Variants in PTPN5 observed in about 807,000 individuals in gnomAD.
The protein encoded by PTPN5 is tyrosine-protein phosphatase non-receptor type 5.
In PTPN5, 29 loss-of-function variants were observed where a neutral mutation model predicts 73.9. The observed-to-expected ratio is 0.39, with a 90% CI of 0.29 to 0.54. The LOEUF (loss-of-function observed/expected upper bound fraction) is 0.54, where lower values mean the gene tolerates loss of function less well. Ranked by LOEUF, PTPN5 falls within the 20% of genes least tolerant of loss-of-function variation. The pLI is 0.65. For synonymous variants in PTPN5, 267 were observed against 304.7 expected, an observed-to-expected ratio of 0.88 and a Z score of 1.29; for missense variants, 652 against 751.4, an observed-to-expected ratio of 0.87 and a Z score of 1.55.
chr11:18,736,407 G>A (rs1431538343), intron 9 of PTPN5, among the ~76,000 whole-genome samples: 2 of 152,208 alleles, frequency 1.3e-5, no homozygotes, highest in African/African-American at 4.8e-5. Flanking sequence ...CTGCCTGTGG[G>A]TTACTGTTCA....
chr11:18,777,511 G>T (rs541980285), intron 1 of PTPN5, among the ~76,000 whole-genome samples: 12 of 152,278 alleles, frequency 7.9e-5, no homozygotes, highest in Admixed American at 6.5e-4. Flanking sequence ...CTCCTCCCAC[G>T]GATAAGGTCC....
intron 4 of PTPN5, 134 bp from the exon 5 acceptor site, chr11:18,743,563 G>A: frequency 1.3e-6 from 1 of 783,334 alleles, no homozygotes; most frequent in Non-Finnish European, 2.1e-6. Context: ...CCGGGCAGCT[G>A]AGAGCAGGGC....
intron 1 of PTPN5, among the ~76,000 whole-genome samples, chr11:18,775,376 C>G (rs961943278): frequency 3.9e-5 from 6 of 152,164 alleles, no homozygotes; most frequent in Admixed American, 2.6e-4. Flanking sequence ...GACGAGAAAA[C>G]TAAGGCTCAG....
intron 2 of PTPN5, among the ~76,000 whole-genome samples, chr11:18,771,171 T>C (rs1415237529): frequency 1.3e-5 from 2 of 152,100 alleles, no homozygotes; most frequent in South Asian, 4.1e-4. Context: ...ATCCTGGGCT[T>C]TGTGCTCCTG....
intron 3 of PTPN5, among the ~76,000 whole-genome samples, chr11:18,750,326 A>G (rs1031667937): frequency 1.3e-5 from 2 of 152,170 alleles, no homozygotes; most frequent in African/African-American, 4.8e-5. Flanking sequence ...AATGGGTAGA[A>G]GCTAAGACTA....
At chr11:18,781,171 A>C (rs1280880238) in intron 1 of PTPN5, among the ~76,000 whole-genome samples, 1 of 147,914 alleles carries the variant, frequency 6.8e-6, no homozygotes, top group African/African-American at 2.5e-5. Flanking sequence ...GGCCCCCTTG[A>C]CTCCCTGAGC....
chr11:18,775,022 C>A (rs1851078790), intron 1 of PTPN5, among the ~76,000 whole-genome samples: 1 of 152,212 alleles, frequency 6.6e-6, no homozygotes, highest in African/African-American at 2.4e-5. Context: ...TGCACCCGGA[C>A]CACACAGGCC....
At chr11:18,773,192 C>T (rs1344110817) in intron 1 of PTPN5, among the ~76,000 whole-genome samples, 1 of 151,870 alleles carries the variant, frequency 6.6e-6, no homozygotes, top group Non-Finnish European at 1.5e-5. Flanking sequence ...TAAGACAGAC[C>T]TATATTCCCT....
chr11:18,729,061 C>A lies in PTPN5; in HGVS notation c.1605-34G>T. On this transcript the variant is annotated intron_variant, in intron 14 of 14. Transcript: ENST00000358540. This position sits in a 1 kb window ranked among gnomAD's most constrained non-coding sequence, Gnocchi z 5.2. ...CAGAGATGCACAGTGGGGGCAGGGT[C>A]GTGGAGGGATGGGCTGTGGGAGGTG... 6.2e-7 allele frequency: 1 copy of A among 1,606,056 alleles called. No individual in the cohort carries two copies. The highest frequency in any genetic ancestry group is 1.1e-5 in the South Asian group (1 of 90,342).
At chr11:18,781,131 A>T (rs1000562307) in intron 1 of PTPN5, among the ~76,000 whole-genome samples, 1 of 151,816 alleles carries the variant, frequency 6.6e-6, no homozygotes, top group Admixed American at 6.6e-5. Context: ...ATTGACTCTG[A>T]TCTTTGCCGC....
chr11:18,791,319 C>G (rs904123103), intron 1 of PTPN5, among the ~76,000 whole-genome samples: 1 of 152,196 alleles, frequency 6.6e-6, no homozygotes, highest in African/African-American at 2.4e-5. Flanking sequence ...GGCTACCAAG[C>G]GACAAGCCCC....
intron 1 of PTPN5, among the ~76,000 whole-genome samples, chr11:18,786,869 C>T (rs1293608023): frequency 6.6e-6 from 1 of 152,184 alleles, no homozygotes; most frequent in African/African-American, 2.4e-5. Flanking sequence ...TTTTGGGAAT[C>T]TGTCAGTTTA....
chr11:18,765,669 G>T, intron 3 of PTPN5, 138 bp downstream of exon 3: 1 of 680,736 alleles, frequency 1.5e-6, no homozygotes, highest in Non-Finnish European at 2.7e-6. Context: ...CCATTTAAAC[G>T]AAGAGCTATG....
At chr11:18,762,897 T>A (rs913070570) in intron 3 of PTPN5, among the ~76,000 whole-genome samples, 5 of 152,224 alleles carry the variant, frequency 3.3e-5, no homozygotes, top group Non-Finnish European at 2.9e-5. Flanking sequence ...CACATAATAC[T>A]GTCCTGGGAG....
intron 1 of PTPN5, among the ~76,000 whole-genome samples, chr11:18,783,906 CACA>C (rs1343240873): frequency 6.6e-6 from 1 of 152,316 alleles, no homozygotes; most frequent in Non-Finnish European, 1.5e-5. Flanking sequence ...GCCTCTAAAT[CACA>C]ACAATTCTTC....
In PTPN5 at chr11:18,733,441, G is replaced by C. The variant is rs1590482791; in HGVS notation, c.1081-69C>G. 8.1e-6 allele frequency: 13 copies of C among 1,610,092 alleles called. No homozygotes were observed. The East Asian group carries it at 2.9e-4, about 36-fold the overall frequency. On this transcript the variant is annotated intron_variant, in intron 10 of 14. Transcript: ENST00000358540. This position sits in a 1 kb window ranked among gnomAD's most constrained non-coding sequence, Gnocchi z 4.3. The stretch of plus-strand genomic sequence containing the variant: ...TCCCAGGACCCCATCCCCACACTCA[G>C]GCTCTTCACAGGAGCTGGCAGGAGC...
At chr11:18,740,055 GC>G (rs1261962626) in intron 8 of PTPN5, among the ~76,000 whole-genome samples, 1 of 152,268 alleles carries the variant, frequency 6.6e-6, no homozygotes, top group African/African-American at 2.4e-5. Flanking sequence ...CTCTTAACTG[GC>G]TGAGCACTCA....
At chr11:18,786,420 T>G (rs1221687500) in intron 1 of PTPN5, among the ~76,000 whole-genome samples, 6 of 152,080 alleles carry the variant, frequency 3.9e-5, no homozygotes, top group Admixed American at 3.9e-4. Flanking sequence ...GCCAGGATAG[T>G]CTCGATCTCC....
intron 3 of PTPN5, among the ~76,000 whole-genome samples, chr11:18,764,457 C>T (rs1390823407): frequency 6.6e-6 from 1 of 152,198 alleles, no homozygotes; most frequent in African/African-American, 2.4e-5. Context: ...AATGGCACCC[C>T]CTACTGGTTA....
Sources: allele counts gnomAD v4.1 joint callset (sites outside exome capture counted in the v4.1 genomes callset), GRCh38; gene constraint gnomAD v4.1.1; non-coding constraint Gnocchi (gnomAD v3.1); transcripts MANE v1.5; gene names NCBI Gene and HGNC (gene_info 2026-07-23, HGNC 2026-07-21).